The following ATP7A variants were observed in gnomAD, a reference collection of about 807,000 sequenced individuals.
The protein encoded by ATP7A is copper-transporting ATPase 1.
Under a neutral mutation model 83.5 loss-of-function variants are expected in ATP7A, and 7 were observed. The observed-to-expected ratio is 0.08, with a 90% CI of 0.05 to 0.16. ATP7A has a LOEUF of 0.16. ATP7A is among the 10% of genes least tolerant of loss of function. The pLI is 1.00. For missense variants in ATP7A, 940 were observed against 1,120.8 expected (o/e 0.84, Z 2.30); for synonymous variants, 354 against 395.2 (o/e 0.90, Z 1.24).
Position 77,989,137 on chromosome X carries a change from G to T in ATP7A, c.611-96G>T, listed in dbSNP as rs1472208915. ...AAAATATGATGACAAGAATGAGAGA[G>T]AAACAATTATTTGTGGTTATTGATT... On this transcript the variant is annotated intron_variant, in intron 3 of 22. Coordinates refer to ENST00000341514, the MANE Select transcript of ATP7A (RefSeq NM_000052.7). The T allele has an allele frequency of 3.5e-5, 34 of 961,136 alleles. No individual in the cohort carries two copies. The Middle Eastern group carries it at 1.2e-3, about 33-fold the overall frequency. The allele number at this position is 961,136 out of a possible 1,213,427, so 79.2% of individuals were successfully genotyped here. A position where few individuals can be genotyped will look rare whatever the true frequency, so the allele number is the denominator to read the frequency against.
chrX:78,003,217 A>T lies in ATP7A; in HGVS notation c.1688A>T (p.Asp563Val), dbSNP rs782561107. ...ATVIENADEG[D>V]GVLELVVRGM... The stretch of plus-strand genomic sequence containing the variant: ...GTGATAGAAAATGCTGATGAAGGAG[A>T]TGGTGTTTTGGAACTTGTTGTAAGT... The change falls in exon 6 of 23, where the codon GAT becomes GTT. Residue 563 changes from aspartate to valine, a missense_variant. Transcript: ENST00000341514. 4 of 1,210,663 alleles carry T rather than the reference A, an allele frequency of 3.3e-6. No homozygotes were observed. In the South Asian group the frequency reaches 7.0e-5, roughly 21 times the overall value.
At chrX:77,937,912 T>TAC (rs782577981) in intron 1 of ATP7A, among the ~76,000 whole-genome samples, 81 of 95,226 alleles carry the variant, frequency 8.5e-4, no homozygotes, top group East Asian at 1.4e-3. Context: ...CACACACACA[T>TAC]ACACACACAC....
At chrX:78,030,346 C>T (rs1025660875) in intron 15 of ATP7A, among the ~76,000 whole-genome samples, 4 of 109,059 alleles carry the variant, frequency 3.7e-5, no homozygotes, top group African/African-American at 6.7e-5. Context: ...CGCTTGAGCC[C>T]GGAGGGCAGG....
Position 77,934,853 on chromosome X carries a change from GT to G in ATP7A, c.-22+24034del, listed in dbSNP as rs782362181. On this transcript the variant is annotated intron_variant, in intron 1 of 22. Coordinates refer to ENST00000341514, the MANE Select transcript of ATP7A (RefSeq NM_000052.7). The stretch of plus-strand genomic sequence containing the variant: ...TGAGCACCAAGTGAGATAAGTTATA[GT>G]TTTTTTTTTTTTTTTAAACAGCCTT... Among the ~76,000 whole-genome samples, 234 of 98,974 alleles carry G rather than the reference GT, an allele frequency of 2.4e-3. 1 individual carries two copies. The highest frequency in any genetic ancestry group is 5.1e-3 in the Middle Eastern group (1 of 198). The allele number at this position is 98,974 out of a possible 115,157, so 85.9% of individuals were successfully genotyped here. A position where few individuals can be genotyped will look rare whatever the true frequency, so the allele number is the denominator to read the frequency against.
At chrX:77,991,875 C>A (rs2077671909) in intron 4 of ATP7A, among the ~76,000 whole-genome samples, 1 of 108,882 alleles carries the variant, frequency 9.2e-6, no homozygotes, top group South Asian at 4.1e-4. Flanking sequence ...TACAAAACAT[C>A]AGCTGGGCAT....
At chrX:77,969,196 T>A (rs1557229216) in intron 1 of ATP7A, 1 of 1,211,764 alleles carries the variant, frequency 8.3e-7, no homozygotes, top group East Asian at 3.0e-5. Context: ...GGGTAGCTGA[T>A]CTTCTGTGAG....
intron 1 of ATP7A, among the ~76,000 whole-genome samples, chrX:77,917,922 G>C (rs1603369300): frequency 8.9e-6 from 1 of 112,052 alleles, no homozygotes; most frequent in African/African-American, 3.2e-5. Flanking sequence ...TTTGTAACCT[G>C]TGTTAGTACT....
chrX:77,952,647 G>A (rs2077419222), intron 1 of ATP7A, among the ~76,000 whole-genome samples: 2 of 111,478 alleles, frequency 1.8e-5, no homozygotes, highest in Non-Finnish European at 3.8e-5. Flanking sequence ...TTTTAGTAAT[G>A]ACTTTTATAA....
chrX:78,011,868 G>T (rs1557234595), intron 9 of ATP7A, 194 bp downstream of exon 9: 2 of 485,650 alleles, frequency 4.1e-6, no homozygotes, highest in African/African-American at 2.4e-5. Context: ...CCCTAAGAAA[G>T]AGTTCAAGTT....
At position 77,925,444 on chromosome X, in the gene ATP7A, G is replaced by C. The variant is rs2077236809; in HGVS notation, c.-22+14609G>C. On this transcript the variant is annotated intron_variant, in intron 1 of 22. Coordinates refer to ENST00000341514, the MANE Select transcript of ATP7A (RefSeq NM_000052.7). ...AGGGTTGGTAGTATAAACCTACCTG[G>C]TACCTTTTTGGTTTTGCTGACTAAA... Among the ~76,000 whole-genome samples the C allele has an allele frequency of 2.7e-5, 3 of 110,976 alleles. No homozygotes were observed. In the South Asian group the frequency reaches 1.2e-3, roughly 43 times the overall value.
At chrX:77,936,124 G>T (rs1184666922) in intron 1 of ATP7A, among the ~76,000 whole-genome samples, 1 of 111,673 alleles carries the variant, frequency 9.0e-6, no homozygotes, top group Non-Finnish European at 1.9e-5. Context: ...CCTTAATTGT[G>T]AAAGAAGCTA....
intron 1 of ATP7A, among the ~76,000 whole-genome samples, chrX:77,929,218 G>T (rs2077259057): frequency 8.9e-6 from 1 of 111,972 alleles, no homozygotes; most frequent in South Asian, 3.7e-4. Flanking sequence ...AATGCCTTGT[G>T]TAGGAATATT....
At chrX:78,014,586 G>T (rs2077848898) in intron 10 of ATP7A, 76 bp from the exon 11 acceptor site, 2 of 764,640 alleles carry the variant, frequency 2.6e-6, no homozygotes, top group East Asian at 6.4e-5. Flanking sequence ...AAATGCTAAA[G>T]ATTGTATTTT....
chrX:77,934,654 A>G (rs782064671), intron 1 of ATP7A, among the ~76,000 whole-genome samples: 1 of 110,213 alleles, frequency 9.1e-6, no homozygotes, highest in African/African-American at 3.3e-5. Context: ...TCGGGGTGGA[A>G]TTTCTCAACT....
chrX:77,946,729 TAAAAAAAAAA>T (rs782042145), intron 1 of ATP7A, among the ~76,000 whole-genome samples: 1 of 55,107 alleles, frequency 1.8e-5, no homozygotes, highest in Non-Finnish European at 3.6e-5. Context: ...TGGCTATTAC[TAAAAAAAAAA>T]AAAAAAAAAA....
chrX:77,927,774 A>G (rs781804527), intron 1 of ATP7A, among the ~76,000 whole-genome samples: 1 of 110,519 alleles, frequency 9.0e-6, no homozygotes, highest in African/African-American at 3.3e-5. Context: ...TCCTAATGCT[A>G]TCCCTCCCCC....
chrX:77,960,537 G>A lies in ATP7A; in HGVS notation c.-21-11084G>A, dbSNP rs2077469083. Among the ~76,000 whole-genome samples, 9 of 112,461 alleles carry A rather than the reference G, an allele frequency of 8.0e-5. No individual in the cohort carries two copies. In the Admixed American group the frequency reaches 8.5e-4, roughly 11 times the overall value. On this transcript the variant is annotated intron_variant, in intron 1 of 22. Coordinates refer to ENST00000341514, the MANE Select transcript of ATP7A (RefSeq NM_000052.7). ...ATTTTAGAATGATGTTTGAGCTTCTGTGACCAGCTTTAAGAAGTGGTTTTG... is the reference window on the plus strand; with the variant it reads ...ATTTTAGAATGATGTTTGAGCTTCTATGACCAGCTTTAAGAAGTGGTTTTG...
chrX:77,932,324 G>T (rs1288420573), intron 1 of ATP7A, among the ~76,000 whole-genome samples: 1 of 107,343 alleles, frequency 9.3e-6, no homozygotes, highest in Admixed American at 9.7e-5. Flanking sequence ...GGGCAGAGAC[G>T]CTCCTCACTT....
In ATP7A at chrX:77,997,210, A is replaced by G. The variant is rs138783760; in HGVS notation, c.1337-1268A>G. Among the ~76,000 whole-genome samples, 291 of 112,368 alleles carry G rather than the reference A, an allele frequency of 2.6e-3. 3 individuals are homozygous for G. Among genetic ancestry groups the G allele is most frequent in the Non-Finnish European group, 4.3e-3 (227 of 53,273 alleles). On this transcript the variant is annotated intron_variant, in intron 4 of 22. Coordinates refer to ENST00000341514, the MANE Select transcript of ATP7A (RefSeq NM_000052.7). ...TTATTTTTTTAAAGTGTCCTTTGCT[A>G]TACTCAGACCTAGGCTGGCAGCACT...
Sources: allele counts gnomAD v4.1 joint callset (sites outside exome capture counted in the v4.1 genomes callset), GRCh38; gene constraint gnomAD v4.1.1; transcripts MANE v1.5; gene names NCBI Gene and HGNC (gene_info 2026-07-23, HGNC 2026-07-21).